MDFIC: variants seen among roughly 807,000 people sequenced by gnomAD.
The protein encoded by MDFIC is MyoD family inhibitor domain containing, also known as myoD family inhibitor domain-containing protein.
Under a neutral mutation model 23.2 loss-of-function variants are expected in MDFIC, and 17 were observed. The ratio of observed to expected loss-of-function variants is 0.73; its 90% confidence interval spans 0.50 to 1.10. MDFIC has a LOEUF of 1.10. Ranked by LOEUF, MDFIC falls within the 50% of genes least tolerant of loss-of-function variation. The pLI is 0.00. For synonymous variants in MDFIC, 120 were observed against 115.2 expected (o/e 1.04, Z -0.27); for missense variants, 356 against 316.6 (o/e 1.12, Z -0.95).
At chr7:114,931,176 T>C (rs1261042897) in intron 2 of MDFIC, among the ~76,000 whole-genome samples, 2 of 152,238 alleles carry the variant, frequency 1.3e-5, no homozygotes, top group East Asian at 3.8e-4. Flanking sequence ...GAGGAAAGCT[T>C]TTTAACCTTA....
intron 4 of MDFIC, among the ~76,000 whole-genome samples, chr7:115,015,070 G>A (rs1002656678): frequency 3.9e-5 from 6 of 152,148 alleles, no homozygotes; most frequent in African/African-American, 1.4e-4. Context: ...TTCTAGAAAT[G>A]ATAGTTGGAC....
intron 3 of MDFIC, among the ~76,000 whole-genome samples, chr7:114,952,507 G>T (rs1159254744): frequency 6.6e-6 from 1 of 151,654 alleles, no homozygotes; most frequent in Admixed American, 6.6e-5. Flanking sequence ...CCAGGTCCCT[G>T]AGTTCTGCAG....
At chr7:114,986,882 G>A (rs1793524727) in intron 4 of MDFIC, among the ~76,000 whole-genome samples, 1 of 152,176 alleles carries the variant, frequency 6.6e-6, no homozygotes, top group African/African-American at 2.4e-5. Context: ...AGCAGAGTCT[G>A]TCTTACTCAT....
At chr7:114,992,356 G>A (rs536574514) in intron 4 of MDFIC, among the ~76,000 whole-genome samples, 16 of 134,332 alleles carry the variant, frequency 1.2e-4, no homozygotes, top group Non-Finnish European at 2.0e-4. Flanking sequence ...TCTCCTGCCT[G>A]ATTGCCCTGG....
At chr7:114,923,703 AACAC>A in intron 2 of MDFIC, 4 of 1,352,174 alleles carry the variant, frequency 3.0e-6, no homozygotes, top group Non-Finnish European at 3.9e-6. Context: ...CCAAAGTGTA[AACAC>A]ACACAGCCTA....
intron 2 of MDFIC, among the ~76,000 whole-genome samples, chr7:114,937,508 G>T (rs915288768): frequency 1.3e-5 from 2 of 152,172 alleles, no homozygotes; most frequent in Non-Finnish European, 2.9e-5. Flanking sequence ...CAGATTTGCA[G>T]AATTTTTGAG....
chr7:114,997,432 G>A (rs542305796), intron 4 of MDFIC, among the ~76,000 whole-genome samples: 15 of 151,844 alleles, frequency 9.9e-5, no homozygotes, highest in Non-Finnish European at 1.9e-4. Flanking sequence ...GTGTGCGCGC[G>A]TGTGTTTTAT....
At chr7:114,981,935 G>T (rs930389573) in intron 4 of MDFIC, among the ~76,000 whole-genome samples, 8 of 152,176 alleles carry the variant, frequency 5.3e-5, no homozygotes, top group African/African-American at 1.9e-4. Flanking sequence ...AAAATCCGTT[G>T]AACTGGTAGA....
At chr7:114,958,957 T>C (rs1174664112) in intron 3 of MDFIC, among the ~76,000 whole-genome samples, 2 of 152,184 alleles carry the variant, frequency 1.3e-5, no homozygotes, top group Non-Finnish European at 2.9e-5. Context: ...GTTGTAACAC[T>C]CACTGGGAAG....
At chr7:114,994,365 G>C in intron 4 of MDFIC, among the ~76,000 whole-genome samples, 1 of 152,120 alleles carries the variant, frequency 6.6e-6, no homozygotes, top group South Asian at 2.1e-4. Context: ...GGTTAATATT[G>C]TTATGTGTGA....
At chr7:114,923,234 C>A in intron 2 of MDFIC, 107 bp downstream of exon 2, 1 of 1,402,128 alleles carries the variant, frequency 7.1e-7, no homozygotes, top group South Asian at 1.3e-5. Context: ...GGAGGGGCTC[C>A]CACTCGTAGT....
At chr7:114,983,563 C>CTT (rs11388500) in intron 4 of MDFIC, among the ~76,000 whole-genome samples, 29,267 of 88,200 alleles carry the variant, frequency 0.33, 6,400 homozygotes, top group South Asian at 0.43. Flanking sequence ...TCATCAGGTA[C>CTT]TTTTTTTTTT....
At chr7:114,987,621 T>C (rs555529001) in intron 4 of MDFIC, among the ~76,000 whole-genome samples, 6 of 152,290 alleles carry the variant, frequency 3.9e-5, no homozygotes, top group African/African-American at 7.2e-5. Flanking sequence ...CTTTGGAAAA[T>C]AGGACTTCAA....
intron 2 of MDFIC, among the ~76,000 whole-genome samples, chr7:114,924,727 T>A (rs1263274861): frequency 1.3e-5 from 2 of 152,226 alleles, no homozygotes; most frequent in Non-Finnish European, 2.9e-5. Context: ...TTTCTTTAAA[T>A]AGGGATCAGT....
At chr7:114,979,077 C>A (rs1208467592) in intron 3 of MDFIC, among the ~76,000 whole-genome samples, 1 of 151,862 alleles carries the variant, frequency 6.6e-6, no homozygotes, top group African/African-American at 2.4e-5. Flanking sequence ...TCATTTCTTT[C>A]CTTTTATTTG....
chr7:115,014,875 T>C (rs1791762986), intron 4 of MDFIC, among the ~76,000 whole-genome samples: 1 of 152,206 alleles, frequency 6.6e-6, no homozygotes, highest in Admixed American at 6.5e-5. Context: ...ATTTTTTAAA[T>C]CAGTTTTTGA....
At chr7:114,959,722 G>A (rs756319607) in intron 3 of MDFIC, among the ~76,000 whole-genome samples, 6 of 151,718 alleles carry the variant, frequency 4.0e-5, no homozygotes, top group Non-Finnish European at 7.4e-5. Flanking sequence ...AAGTGGAGGC[G>A]TCAGTGACTA....
intron 2 of MDFIC, among the ~76,000 whole-genome samples, chr7:114,935,812 G>A (rs941045045): frequency 6.6e-6 from 1 of 152,132 alleles, no homozygotes; most frequent in Middle Eastern, 3.4e-3. Context: ...CAGCTACTCA[G>A]AGGAAACAAT....
At chr7:115,009,985 C>A (rs181677656) in intron 4 of MDFIC, among the ~76,000 whole-genome samples, 1 of 152,260 alleles carries the variant, frequency 6.6e-6, no homozygotes, top group East Asian at 1.9e-4. Flanking sequence ...TTTCCCAGAA[C>A]CAAGTGGTCT....
Sources: gnomAD v4.1 joint callset for allele counts (sites outside exome capture counted in the v4.1 genomes callset) on GRCh38, gnomAD v4.1.1 for gene constraint, MANE v1.5 for transcripts, NCBI Gene and HGNC (gene_info 2026-07-23, HGNC 2026-07-21) for gene names.